STAU1: variants seen among roughly 807,000 people sequenced by gnomAD.
STAU1 encodes double-stranded RNA-binding protein Staufen homolog 1.
In STAU1, 13 loss-of-function variants were observed where a neutral mutation model predicts 62.9. That is an observed-to-expected ratio of 0.21 (90% confidence interval 0.13 to 0.33). The LOEUF is 0.33. Ranked by LOEUF, STAU1 falls within the 10% of genes least tolerant of loss-of-function variation. The pLI is 1.00. For synonymous variants in STAU1, 269 were observed against 265.1 expected, an observed-to-expected ratio of 1.01 and a Z score of -0.14; for missense variants, 571 against 712.1, an observed-to-expected ratio of 0.80 and a Z score of 2.25.
the STAU1 span, among the ~76,000 whole-genome samples, chr20:49,218,839 C>T: frequency 6.6e-6 from 1 of 151,808 alleles, no homozygotes; most frequent in South Asian, 2.1e-4. Context: ...CCCAGGAGTT[C>T]GACACCAGCC....
intron 3 of STAU1, chr20:49,159,185 C>T (rs940308111): frequency 1.9e-5 from 20 of 1,067,138 alleles, no homozygotes; most frequent in East Asian, 8.8e-5. Context: ...TCTCGTGAAC[C>T]GTCTTGCCTT....
intron 3 of STAU1, among the ~76,000 whole-genome samples, chr20:49,163,415 A>G (rs2093478746): frequency 7.9e-6 from 1 of 126,162 alleles, no homozygotes; most frequent in Non-Finnish European, 1.6e-5. Flanking sequence ...TCAAGTGTTT[A>G]AACCTTTTTT....
At chr20:49,122,015 T>G (rs2092476188) in intron 8 of STAU1, among the ~76,000 whole-genome samples, 2 of 152,216 alleles carry the variant, frequency 1.3e-5, no homozygotes, top group African/African-American at 2.4e-5. Context: ...CTCAGCAAAC[T>G]GCAACTTCCT....
At chr20:49,182,921 G>A (rs1275091108) in intron 1 of STAU1, among the ~76,000 whole-genome samples, 1 of 151,906 alleles carries the variant, frequency 6.6e-6, no homozygotes, top group East Asian at 1.9e-4. Flanking sequence ...TATCTAAAGA[G>A]ATGTACAATA....
chr20:49,115,616 A>G (rs2092301336), intron 13 of STAU1, among the ~76,000 whole-genome samples, 166 bp downstream of exon 13: 1 of 152,144 alleles, frequency 6.6e-6, no homozygotes, highest in South Asian at 2.1e-4. Context: ...ATGTCTTTTA[A>G]AAGTAGAGCT....
At chr20:49,185,013 A>G (rs186175203) in intron 1 of STAU1, among the ~76,000 whole-genome samples, 24 of 152,378 alleles carry the variant, frequency 1.6e-4, no homozygotes, top group African/African-American at 5.5e-4. Context: ...GACACAAGAA[A>G]GAAAAACGTG....
intron 6 of STAU1, chr20:49,134,505 T>C: frequency 8.5e-7 from 1 of 1,173,622 alleles, no homozygotes. Context: ...TCTTCTCTCA[T>C]GGATCCTGAC....
At chr20:49,175,318 G>A (rs1165691788) in intron 1 of STAU1, among the ~76,000 whole-genome samples, 4 of 151,846 alleles carry the variant, frequency 2.6e-5, no homozygotes, top group South Asian at 2.1e-4. Context: ...GCCACAGAGT[G>A]AGACTCCTCT....
chr20:49,127,191 A>T (rs1421420659), intron 6 of STAU1, among the ~76,000 whole-genome samples: 1 of 151,884 alleles, frequency 6.6e-6, no homozygotes, highest in Non-Finnish European at 1.5e-5. Context: ...CGTCTCTACT[A>T]AAAATATAAA....
intron 3 of STAU1, among the ~76,000 whole-genome samples, chr20:49,156,437 A>G (rs2093357740): frequency 6.6e-6 from 1 of 152,226 alleles, no homozygotes; most frequent in Non-Finnish European, 1.5e-5. Flanking sequence ...CAACAAGTTA[A>G]GAAACCATTC....
the STAU1 span, among the ~76,000 whole-genome samples, chr20:49,215,271 A>G: frequency 6.6e-6 from 1 of 152,128 alleles, no homozygotes; most frequent in Non-Finnish European, 1.5e-5. Context: ...CGTCTCAGAG[A>G]GGGCTCCCCT....
At chr20:49,218,373 C>A in the STAU1 span, among the ~76,000 whole-genome samples, 1 of 151,668 alleles carries the variant, frequency 6.6e-6, no homozygotes, top group Non-Finnish European at 1.5e-5. Context: ...TACAGGCGCC[C>A]GCCACCACGC....
chr20:49,153,848 C>T, intron 4 of STAU1, 85 bp downstream of exon 4: 1 of 1,374,698 alleles, frequency 7.3e-7, no homozygotes, highest in South Asian at 1.7e-5. Context: ...TTACTCCCTC[C>T]ACAATCTAGA....
upstream of STAU1, among the ~76,000 whole-genome samples, chr20:49,192,397 C>T (rs1217106317): frequency 6.6e-6 from 1 of 150,918 alleles, no homozygotes; most frequent in Non-Finnish European, 1.5e-5. Flanking sequence ...ATGGAAGATC[C>T]CATTTACAAA....
At chr20:49,156,777 G>A (rs1568896188) in intron 3 of STAU1, among the ~76,000 whole-genome samples, 1 of 151,954 alleles carries the variant, frequency 6.6e-6, no homozygotes, top group South Asian at 2.1e-4. Context: ...AAGAGGCCTG[G>A]TCTTATCTTG....
At chr20:49,200,864 G>A in the STAU1 span, among the ~76,000 whole-genome samples, 6 of 150,268 alleles carry the variant, frequency 4.0e-5, no homozygotes, top group Non-Finnish European at 8.9e-5. Flanking sequence ...GTGAGATGCC[G>A]TCTCTACCAA....
chr20:49,196,786 A>T, the STAU1 span, among the ~76,000 whole-genome samples: 3 of 4,062 alleles, frequency 7.4e-4, no homozygotes, highest in African/African-American at 8.6e-4. Context: ...GAAAAAAAGA[A>T]AAAAAAAAAA....
rs2092258859 is a variant in STAU1, at chr20:49,114,382, T to C, written c.*496A>G. On this transcript the variant is annotated 3_prime_UTR_variant, in exon 14 of 14. Coordinates refer to ENST00000371856, the MANE Select transcript of STAU1 (RefSeq NM_017453.4). Reference sequence around the variant, plus strand: ...GTGGGGCCGTGGCACACTAGAAAAGTTGGGTCACGCTGAGTAGGAAGCATT... The same window carrying C: ...GTGGGGCCGTGGCACACTAGAAAAGCTGGGTCACGCTGAGTAGGAAGCATT... The C allele has an allele frequency of 6.4e-6, 1 of 155,084 alleles. No individual in the cohort carries two copies. Among genetic ancestry groups the C allele is most frequent in the South Asian group, 2.0e-4 (1 of 4,952 alleles). The allele number at this position is 155,084 out of a possible 1,614,324, so 9.6% of individuals were successfully genotyped here. A position where few individuals can be genotyped will look rare whatever the true frequency, so the allele number is the denominator to read the frequency against.
At chr20:49,165,511 T>C (rs2093512250) in intron 3 of STAU1, among the ~76,000 whole-genome samples, 1 of 151,892 alleles carries the variant, frequency 6.6e-6, no homozygotes. Flanking sequence ...AGTTTGTGTA[T>C]TTTTTGTAGA....
Sources: allele counts gnomAD v4.1 joint callset (sites outside exome capture counted in the v4.1 genomes callset), GRCh38; gene constraint gnomAD v4.1.1; transcripts MANE v1.5; gene names NCBI Gene and HGNC (gene_info 2026-07-23, HGNC 2026-07-21).